CTBP2: variants seen among roughly 807,000 people sequenced by gnomAD.
CTBP2 encodes the protein C-terminal-binding protein 2.
Under a neutral mutation model 80.3 loss-of-function variants are expected in CTBP2, and 30 were observed. The observed-to-expected ratio is 0.37, with a 90% confidence interval of 0.28 to 0.51. The LOEUF (loss-of-function observed/expected upper bound fraction) is 0.51. Among genes scored for constraint, CTBP2 ranks in the 20% least tolerant of loss-of-function variants. The pLI is 0.93. For synonymous variants in CTBP2, 594 were observed against 587.4 expected, an observed-to-expected ratio of 1.01 and a Z score of -0.16; for missense variants, 1,212 against 1,375.3, an observed-to-expected ratio of 0.88 and a Z score of 1.88.
intron 3 of CTBP2, among the ~76,000 whole-genome samples, chr10:125,034,107 T>C (rs896614458): frequency 1.3e-5 from 2 of 152,150 alleles, no homozygotes; most frequent in African/African-American, 4.8e-5. Flanking sequence ...ATCACCAAAC[T>C]GACCGGTGCA....
At chr10:125,028,465 T>C (rs1957876369), upstream of CTBP2, among the ~76,000 whole-genome samples, 2 of 152,214 alleles carry the variant, frequency 1.3e-5, no homozygotes, top group Admixed American at 1.3e-4. Context: ...TCCTAGGCCA[T>C]GGATGCCTAG....
chr10:125,152,015 G>T (rs577788530), intron 1 of CTBP2, among the ~76,000 whole-genome samples: 1 of 152,270 alleles, frequency 6.6e-6, no homozygotes, highest in East Asian at 1.9e-4. Flanking sequence ...CGCGAGGTGG[G>T]GGGGCCCGGG....
At chr10:125,082,277 G>C (rs956675151) in intron 2 of CTBP2, among the ~76,000 whole-genome samples, 1 of 152,214 alleles carries the variant, frequency 6.6e-6, no homozygotes, top group East Asian at 1.9e-4. Flanking sequence ...TCGCCTTGGA[G>C]ATGTGGCCAG....
chr10:125,077,107 T>C lies in CTBP2; in HGVS notation c.-102+33883A>G, dbSNP rs370037924. On this transcript the variant is annotated intron_variant, in intron 2 of 10. Coordinates refer to the CTBP2 transcript ENST00000337195. ...CACCACTCTTGCACTCCATGAAAGC[T>C]TTTGTGTGTCCAGAAGCACTCACCC... Among the ~76,000 whole-genome samples the C allele has an allele frequency of 4.0e-5, 6 of 151,448 alleles. No individual in the cohort carries two copies. In the South Asian group the frequency reaches 6.2e-4, roughly 16 times the overall value.
chr10:125,126,447 C>A (rs541962574), intron 1 of CTBP2, among the ~76,000 whole-genome samples: 1 of 152,272 alleles, frequency 6.6e-6, no homozygotes, highest in Admixed American at 6.5e-5. Flanking sequence ...CCGTTCCTAG[C>A]GTATGGATAG....
intron 2 of CTBP2, among the ~76,000 whole-genome samples, chr10:125,093,679 G>A (rs191312425): frequency 6.6e-6 from 1 of 152,314 alleles, no homozygotes; most frequent in Non-Finnish European, 1.5e-5. Flanking sequence ...CTTGCCTTGG[G>A]GAAAGACTGG....
intron 2 of CTBP2, among the ~76,000 whole-genome samples, chr10:125,058,071 G>A (rs1046053035): frequency 6.6e-6 from 1 of 152,056 alleles, no homozygotes; most frequent in Non-Finnish European, 1.5e-5. Context: ...GCCTCTCGGA[G>A]TTAGTATTCT....
chr10:125,158,837 ACT>A (rs1476319565), intron 1 of CTBP2: 1 of 150,854 alleles, frequency 6.6e-6, no homozygotes, highest in African/African-American at 2.4e-5. Flanking sequence ...AACCACAAAC[ACT>A]CGCGCGCACA....
At chr10:125,098,750 C>CAGAGAGACAGAGAG (rs1850104878) in intron 2 of CTBP2, among the ~76,000 whole-genome samples, 1 of 75,482 alleles carries the variant, frequency 1.3e-5, no homozygotes, top group African/African-American at 6.7e-5. Flanking sequence ...GAGAGAGAGA[C>CAGAGAGACAGAGAG]AGAGAGAGAG....
rs747478715 is a variant in CTBP2, at chr10:125,003,320, C to T, written c.1833+18G>A. ...GCCCAAGGTCAGTGCAGGCCCCGGCCGGGCAGGGTGGGCCCACCTTCTCGT... is the reference window on the plus strand; with the variant it reads ...GCCCAAGGTCAGTGCAGGCCCCGGCTGGGCAGGGTGGGCCCACCTTCTCGT... On this transcript the variant is annotated intron_variant, in intron 2 of 8. Coordinates refer to ENST00000309035, the MANE Select transcript of CTBP2 (RefSeq NM_022802.3). 1.2e-4 allele frequency: 192 copies of T among 1,604,776 alleles called. No individual in the cohort carries two copies. Among genetic ancestry groups the T allele is most frequent in the Non-Finnish European group, 1.5e-4 (179 of 1,178,056 alleles).
At chr10:125,021,560 C>A (rs1175283632) in intron 1 of CTBP2, among the ~76,000 whole-genome samples, 1 of 151,638 alleles carries the variant, frequency 6.6e-6, no homozygotes, top group Non-Finnish European at 1.5e-5. Context: ...GGGGGCACAA[C>A]CAAGATGCGA....
intron 1 of CTBP2, among the ~76,000 whole-genome samples, chr10:125,025,127 T>C (rs1250483180): frequency 6.9e-6 from 1 of 145,328 alleles, no homozygotes; most frequent in African/African-American, 2.5e-5. Flanking sequence ...TTCATCCTGA[T>C]TTTCACAAGC....
intron 1 of CTBP2, among the ~76,000 whole-genome samples, chr10:125,150,101 A>G (rs373128706): frequency 6.6e-6 from 1 of 152,166 alleles, no homozygotes; most frequent in Non-Finnish European, 1.5e-5. Flanking sequence ...CAACTCCCCA[A>G]CGTGGAACCC....
In CTBP2 at chr10:125,097,936, C is replaced by T. The variant is rs2135761007; in HGVS notation, c.-102+13054G>A. ...CTTGAGGTCAGGAGTTTGAGATCAG[C>T]CTGGCCAACATGGTGAAACCCCATC... On this transcript the variant is annotated intron_variant, in intron 2 of 10. Coordinates refer to the CTBP2 transcript ENST00000337195. 1.3e-5 allele frequency among the ~76,000 whole-genome samples: 2 copies of T among 152,240 alleles called. 1 individual carries two copies. Among genetic ancestry groups the T allele is most frequent in the South Asian group, 4.1e-4 (2 of 4,824 alleles).
chr10:125,101,130 A>T (rs1466048524), intron 2 of CTBP2, among the ~76,000 whole-genome samples: 2 of 152,246 alleles, frequency 1.3e-5, no homozygotes, highest in Non-Finnish European at 2.9e-5. Flanking sequence ...GTCTGAATTC[A>T]TTAACATTGG....
At chr10:125,147,224 G>C (rs1858944758) in intron 1 of CTBP2, among the ~76,000 whole-genome samples, 1 of 152,156 alleles carries the variant, frequency 6.6e-6, no homozygotes, top group South Asian at 2.1e-4. Flanking sequence ...GTTCACTGTG[G>C]TTTATGTACT....
At chr10:125,072,098 G>A (rs1034650098) in intron 2 of CTBP2, among the ~76,000 whole-genome samples, 2 of 152,180 alleles carry the variant, frequency 1.3e-5, no homozygotes, top group Non-Finnish European at 2.9e-5. Context: ...TGGCTCACGA[G>A]GTCAGGAGTT....
chr10:125,096,753 G>A lies in CTBP2; in HGVS notation c.-102+14237C>T, dbSNP rs556942529. Reference sequence around the variant, plus strand: ...GGCATGAAATAGCTCAAAGAGACTTGTTTGGTGGAATTAACTAGTGGTTTA... The same window carrying A: ...GGCATGAAATAGCTCAAAGAGACTTATTTGGTGGAATTAACTAGTGGTTTA... On this transcript the variant is annotated intron_variant, in intron 2 of 10. Transcript: ENST00000337195. 8.9e-5 allele frequency among the ~76,000 whole-genome samples: 11 copies of A among 123,368 alleles called. No individual in the cohort carries two copies. The South Asian group carries it at 3.2e-3, about 35-fold the overall frequency. The allele number at this position is 123,368 out of a possible 152,430, so 80.9% of individuals were successfully genotyped here.
chr10:125,019,816 A>G (rs183450556), intron 1 of CTBP2, among the ~76,000 whole-genome samples: 17 of 152,244 alleles, frequency 1.1e-4, no homozygotes, highest in Non-Finnish European at 2.4e-4. Flanking sequence ...TAAAACTTTC[A>G]TGCTTCAAGG....
Sources: allele counts gnomAD v4.1 joint callset (sites outside exome capture counted in the v4.1 genomes callset), GRCh38; gene constraint gnomAD v4.1.1; transcripts MANE v1.5; gene names NCBI Gene and HGNC (gene_info 2026-07-23, HGNC 2026-07-21).